The following SUCLA2 variants were observed in gnomAD, a reference collection of about 807,000 sequenced individuals.
SUCLA2 encodes succinate--CoA ligase [ADP-forming] subunit beta, mitochondrial.
Under a neutral mutation model 54.8 loss-of-function variants are expected in SUCLA2, and 30 were observed. The ratio of observed to expected loss-of-function variants is 0.55; its 90% CI spans 0.41 to 0.74. The LOEUF is 0.74. SUCLA2 is among the 30% of genes least tolerant of loss of function. The probability of loss-of-function intolerance (pLI) is 0.00; values close to 1 mark genes in which losing one functional copy is unlikely to be tolerated. For missense variants in SUCLA2, 476 were observed against 562.9 expected, an observed-to-expected ratio of 0.85 and a Z score of 1.56; for synonymous variants, 172 against 188.9, an observed-to-expected ratio of 0.91 and a Z score of 0.74.
chr13:47,973,069 TCC>T (rs1325358369), intron 5 of SUCLA2, among the ~76,000 whole-genome samples, 193 bp downstream of exon 5: 1 of 152,124 alleles, frequency 6.6e-6, no homozygotes, highest in Non-Finnish European at 1.5e-5. Context: ...TTTAAAAGAA[TCC>T]ACATTGAAAT....
intron 4 of SUCLA2, chr13:47,987,829 CAA>C (rs1045723353): frequency 2.0e-5 from 3 of 151,918 alleles, no homozygotes; most frequent in African/African-American, 7.2e-5. Flanking sequence ...CCAGTTGCTT[CAA>C]AAAACAAGCT....
At chr13:47,968,564 T>C in intron 6 of SUCLA2, 31 bp downstream of exon 6, 1 of 1,610,192 alleles carries the variant, frequency 6.2e-7, no homozygotes, top group Non-Finnish European at 8.5e-7. Flanking sequence ...AATAAATGCA[T>C]AATCATGTTA....
intron 6 of SUCLA2, among the ~76,000 whole-genome samples, chr13:47,962,562 C>T (rs980799153): frequency 3.3e-5 from 5 of 152,088 alleles, no homozygotes; most frequent in Admixed American, 6.5e-5. Context: ...GTAGATCCTG[C>T]TGTGATTTGT....
At chr13:47,994,373 G>A (rs1950174698) in intron 2 of SUCLA2, among the ~76,000 whole-genome samples, 1 of 151,992 alleles carries the variant, frequency 6.6e-6, no homozygotes, top group South Asian at 2.1e-4. Flanking sequence ...TTCGAGACCA[G>A]CCTGACCAAC....
At chr13:47,968,464 C>G in intron 6 of SUCLA2, 131 bp downstream of exon 6, 2 of 1,003,236 alleles carry the variant, frequency 2.0e-6, no homozygotes, top group Non-Finnish European at 2.9e-6. Flanking sequence ...TTCATTCTAT[C>G]TGATTTTTTT....
intron 4 of SUCLA2, among the ~76,000 whole-genome samples, chr13:47,986,580 G>C (rs1950106644): frequency 3.3e-5 from 5 of 152,086 alleles, no homozygotes; most frequent in Admixed American, 3.3e-4. Context: ...TGCTTTTGTT[G>C]CAATTGCTTT....
rs118173155 is a variant in SUCLA2, at chr13:47,950,565, A to G, written c.1108-962T>C. ...CCTCTCTTGGGTACATTTCACATCC[A>G]AATCTCAGGACCTGTTTGGGTCAGC... On this transcript the variant is annotated intron_variant, in intron 8 of 10. Transcript: ENST00000646932. 8.5e-5 allele frequency among the ~76,000 whole-genome samples: 13 copies of G among 152,198 alleles called. No homozygotes were observed. In the East Asian group the frequency reaches 2.3e-3, roughly 27 times the overall value.
chr13:47,948,216 T>C (rs1949748932), intron 10 of SUCLA2, among the ~76,000 whole-genome samples: 1 of 152,158 alleles, frequency 6.6e-6, no homozygotes, highest in South Asian at 2.1e-4. Context: ...ACAAACAAGA[T>C]TGGGCAGGAG....
At chr13:47,986,144 C>A (rs1268906659) in intron 4 of SUCLA2, among the ~76,000 whole-genome samples, 3 of 151,248 alleles carry the variant, frequency 2.0e-5, no homozygotes, top group Non-Finnish European at 4.4e-5. Flanking sequence ...CATTCTCCTG[C>A]CTCAGCCTCC....
intron 2 of SUCLA2, among the ~76,000 whole-genome samples, chr13:47,994,397 G>A (rs1029829557): frequency 1.3e-5 from 2 of 151,792 alleles, no homozygotes; most frequent in Admixed American, 6.6e-5. Context: ...GTGAAACCCC[G>A]TCTCTACTAA....
chr13:47,949,370 TA>T, intron 9 of SUCLA2, 112 bp downstream of exon 9: 1 of 1,255,542 alleles, frequency 8.0e-7, no homozygotes, highest in Non-Finnish European at 1.2e-6. Context: ...TCATATTGTA[TA>T]ATGCTTTCAA....
chr13:47,967,611 C>T (rs73493351), intron 6 of SUCLA2, among the ~76,000 whole-genome samples: 10,187 of 152,030 alleles, frequency 0.067, 648 homozygotes, highest in East Asian at 0.18. Context: ...GAGGCAGGGG[C>T]AGGCAGATTA....
At chr13:47,993,319 A>G (rs2137749164) in intron 2 of SUCLA2, among the ~76,000 whole-genome samples, 1 of 152,354 alleles carries the variant, frequency 6.6e-6, no homozygotes, top group East Asian at 1.9e-4. Context: ...TTGCTCTCAG[A>G]ACTGACCCCA....
intron 6 of SUCLA2, among the ~76,000 whole-genome samples, chr13:47,955,024 C>A (rs894843185): frequency 2.0e-5 from 3 of 151,872 alleles, no homozygotes; most frequent in South Asian, 4.2e-4. Flanking sequence ...TTTATTTCCT[C>A]ACCTTAATAA....
intron 4 of SUCLA2, among the ~76,000 whole-genome samples, chr13:47,983,493 T>G (rs1312190827): frequency 9.8e-4 from 1 of 1,024 alleles, no homozygotes; most frequent in Non-Finnish European, 2.4e-3. Context: ...TTTTCCCTTT[T>G]TTTTTTTTTT....
intron 4 of SUCLA2, among the ~76,000 whole-genome samples, chr13:47,987,194 C>T (rs1222405179): frequency 6.6e-6 from 1 of 152,140 alleles, no homozygotes; most frequent in Non-Finnish European, 1.5e-5. Context: ...TGATCCTTTT[C>T]CCAAATGCCT....
At chr13:47,972,689 GAAAGA>G (rs1448850344) in intron 5 of SUCLA2, among the ~76,000 whole-genome samples, 2 of 140,654 alleles carry the variant, frequency 1.4e-5, no homozygotes, top group East Asian at 2.2e-4. Context: ...AAAAAAGAAA[GAAAGA>G]AAAGAAAAGA....
At position 47,965,071 on chromosome 13, in the gene SUCLA2, G is replaced by T. The variant is rs573616112; in HGVS notation, c.802+3524C>A. Among the ~76,000 whole-genome samples, 19 of 151,490 alleles carry T rather than the reference G, an allele frequency of 1.3e-4. No individual in the cohort carries two copies. The South Asian group carries it at 2.3e-3, about 18-fold the overall frequency. On this transcript the variant is annotated intron_variant, in intron 6 of 10. Coordinates refer to ENST00000646932, the MANE Select transcript of SUCLA2 (RefSeq NM_003850.3). ...GGGACAGTCTGCGTAACAAAATAAG[G>T]ATTAAAATGGATAACTCATTGATTA...
At chr13:47,948,712 C>T (rs1949754178) in intron 10 of SUCLA2, among the ~76,000 whole-genome samples, 1 of 152,136 alleles carries the variant, frequency 6.6e-6, no homozygotes, top group African/African-American at 2.4e-5. Flanking sequence ...ATCTTTCTCC[C>T]CTACTGCAAA....
Sources: allele counts gnomAD v4.1 joint callset (sites outside exome capture counted in the v4.1 genomes callset), GRCh38; gene constraint gnomAD v4.1.1; transcripts MANE v1.5; gene names NCBI Gene and HGNC (gene_info 2026-07-23, HGNC 2026-07-21).